Variants in TBX15 observed in about 807,000 individuals in gnomAD.
The protein encoded by TBX15 is T-box transcription factor 15.
In TBX15, 18 loss-of-function variants were observed where a neutral mutation model predicts 53.9. The observed-to-expected ratio is 0.33, with a 90% CI of 0.23 to 0.49. The LOEUF is 0.49. TBX15 is among the 20% of genes least tolerant of loss of function. The probability of loss-of-function intolerance (pLI) is 0.98; values close to 1 mark genes in which losing one functional copy is unlikely to be tolerated. For synonymous variants in TBX15, 295 were observed against 278.0 expected (o/e 1.06, Z -0.61); for missense variants, 692 against 749.5 (o/e 0.92, Z 0.90).
intron 1 of TBX15, among the ~76,000 whole-genome samples, chr1:118,945,307 TC>T (rs908666226): frequency 5.3e-5 from 8 of 152,050 alleles, no homozygotes; most frequent in African/African-American, 1.9e-4. Context: ...CATACTACAG[TC>T]CCCCCAAAAT....
At chr1:118,922,448 G>A (rs897654859) in intron 5 of TBX15, among the ~76,000 whole-genome samples, 1 of 152,154 alleles carries the variant, frequency 6.6e-6, no homozygotes, top group Non-Finnish European at 1.5e-5. Context: ...TAGATGTCAG[G>A]TTTGTGTCAG....
chr1:118,958,592 C>T (rs977406143), intron 1 of TBX15, among the ~76,000 whole-genome samples: 4 of 152,058 alleles, frequency 2.6e-5, no homozygotes, highest in African/African-American at 4.8e-5. Flanking sequence ...TTTTTGCCTC[C>T]GCATGGTCCT....
At chr1:118,957,842 G>A (rs1384289951) in intron 1 of TBX15, among the ~76,000 whole-genome samples, 1 of 152,146 alleles carries the variant, frequency 6.6e-6, no homozygotes, top group Non-Finnish European at 1.5e-5. Flanking sequence ...TGGTGTATAT[G>A]TGCCACATTT....
chr1:118,983,845 C>G (rs1161282047), intron 1 of TBX15, among the ~76,000 whole-genome samples: 1 of 151,996 alleles, frequency 6.6e-6, no homozygotes, highest in Non-Finnish European at 1.5e-5. Flanking sequence ...CCCTGGCTGG[C>G]GCTTGCCCCG....
At chr1:118,960,141 G>C (rs1435995078) in intron 1 of TBX15, among the ~76,000 whole-genome samples, 1 of 152,082 alleles carries the variant, frequency 6.6e-6, no homozygotes, top group African/African-American at 2.4e-5. Flanking sequence ...CCTGTGGTTT[G>C]AGTGAGGCGG....
At chr1:118,907,739 G>C (rs975365595) in intron 6 of TBX15, among the ~76,000 whole-genome samples, 9 of 152,102 alleles carry the variant, frequency 5.9e-5, no homozygotes, top group African/African-American at 2.2e-4. Flanking sequence ...TCTCCTTGGT[G>C]CAGGTTCCCC....
intron 1 of TBX15, among the ~76,000 whole-genome samples, chr1:118,979,567 C>T (rs1399700624): frequency 6.6e-6 from 1 of 152,194 alleles, no homozygotes; most frequent in Non-Finnish European, 1.5e-5. Flanking sequence ...CCTCAGGGCG[C>T]GAGGTGTGAG....
Position 118,884,624 on chromosome 1 carries a change from AAC to A in TBX15, c.*106_*107del. On this transcript the variant is annotated 3_prime_UTR_variant, in exon 8 of 8. Transcript: ENST00000369429. ...CGGCCAGAAAAAAAAAAAAAAAAAAAACACGGTTCCTGTTTTTCAAAGACACT... is the reference window on the plus strand; with the variant it reads ...CGGCCAGAAAAAAAAAAAAAAAAAAAACGGTTCCTGTTTTTCAAAGACACT... 20 of 1,375,116 alleles carry A rather than the reference AAC, an allele frequency of 1.5e-5. No individual in the cohort carries two copies. The highest frequency in any genetic ancestry group is 2.3e-5 in the Admixed American group (1 of 43,576). 85.2% of individuals were successfully genotyped at this position (1,375,116 alleles called of 1,614,324 possible). A position where few individuals can be genotyped will look rare whatever the true frequency, so the allele number is the denominator to read the frequency against.
intron 7 of TBX15, among the ~76,000 whole-genome samples, chr1:118,889,724 T>C (rs1398573456): frequency 6.6e-6 from 1 of 152,224 alleles, no homozygotes; most frequent in African/African-American, 2.4e-5. Context: ...TTTGTAGAGA[T>C]GTTTTGAGAA....
In TBX15 at chr1:118,987,891, G is replaced by A; in HGVS notation, c.-96C>T. 6.9e-7 allele frequency: 1 copy of A among 1,457,712 alleles called. No homozygotes were observed. Among genetic ancestry groups the A allele is most frequent in the Non-Finnish European group, 9.2e-7 (1 of 1,084,184 alleles). 90.3% of individuals were successfully genotyped at this position (1,457,712 alleles called of 1,614,324 possible). ...AGCGCCCACCGGGCCCGGCCCGGGA[G>A]AGGCGGAGGCGCGTCGGACGAGGCT... On this transcript the variant is annotated 5_prime_UTR_variant, in exon 1 of 8. Coordinates refer to ENST00000369429, the MANE Select transcript of TBX15 (RefSeq NM_001330677.2).
At chr1:118,985,161 A>G (rs1657787516) in intron 1 of TBX15, among the ~76,000 whole-genome samples, 1 of 151,626 alleles carries the variant, frequency 6.6e-6, no homozygotes, top group South Asian at 2.1e-4. Context: ...TTTTTTTCCT[A>G]TTCCCGGTTT....
At chr1:118,971,557 A>G (rs1657237082) in intron 1 of TBX15, among the ~76,000 whole-genome samples, 1 of 152,216 alleles carries the variant, frequency 6.6e-6, no homozygotes, top group Admixed American at 6.5e-5. Context: ...TAAAATAAAT[A>G]TTTCTTCCAA....
intron 6 of TBX15, among the ~76,000 whole-genome samples, chr1:118,909,213 T>TGGAA (rs1654946436): frequency 6.6e-6 from 1 of 152,188 alleles, no homozygotes; most frequent in South Asian, 2.1e-4. Flanking sequence ...ATCTATTCTG[T>TGGAA]GGAAGGCACA....
At chr1:118,945,802 GGTCAGATATTCAGA>G (rs1277068988) in intron 1 of TBX15, among the ~76,000 whole-genome samples, 1 of 152,128 alleles carries the variant, frequency 6.6e-6, no homozygotes, top group African/African-American at 2.4e-5. Context: ...CATTTTGACA[GGTCAGATATTCAGA>G]GTCAATGGTC....
chr1:118,931,479 G>T, intron 2 of TBX15, 140 bp downstream of exon 2: 1 of 868,086 alleles, frequency 1.2e-6, no homozygotes, highest in African/African-American at 1.7e-5. Flanking sequence ...ACTTTACCAA[G>T]ATGTCCAAAT....
At chr1:118,967,105 G>A (rs1657057866) in intron 1 of TBX15, among the ~76,000 whole-genome samples, 1 of 152,126 alleles carries the variant, frequency 6.6e-6, no homozygotes, top group South Asian at 2.1e-4. Context: ...GGAAATACCA[G>A]ATCTAGTGAA....
At chr1:118,892,469 A>G (rs1654179697) in intron 7 of TBX15, among the ~76,000 whole-genome samples, 1 of 152,196 alleles carries the variant, frequency 6.6e-6, no homozygotes, top group African/African-American at 2.4e-5. Context: ...TGGTAAGAAG[A>G]TAAAAGAGGA....
At chr1:118,897,124 C>T (rs527767136) in intron 7 of TBX15, among the ~76,000 whole-genome samples, 8 of 152,186 alleles carry the variant, frequency 5.3e-5, no homozygotes, top group Non-Finnish European at 1.2e-4. Flanking sequence ...GTATAAGTAC[C>T]ATGAAGCCTG....
At chr1:118,937,948 G>A (rs1656019073) in intron 1 of TBX15, among the ~76,000 whole-genome samples, 1 of 152,132 alleles carries the variant, frequency 6.6e-6, no homozygotes, top group Admixed American at 6.5e-5. Context: ...TCTGTACCAG[G>A]AGCAAGTAAG....
Sources: allele counts gnomAD v4.1 joint callset (sites outside exome capture counted in the v4.1 genomes callset), GRCh38; gene constraint gnomAD v4.1.1; transcripts MANE v1.5; gene names NCBI Gene and HGNC (gene_info 2026-07-23, HGNC 2026-07-21).